CTPS2: variants seen among roughly 807,000 people sequenced by gnomAD.
CTPS2 encodes the protein CTP synthase II.
Under a neutral mutation model 46.8 loss-of-function variants are expected in CTPS2, and 19 were observed. The ratio of observed to expected loss-of-function variants is 0.41; its 90% CI spans 0.28 to 0.60. CTPS2 has a LOEUF of 0.60. Ranked by LOEUF, CTPS2 falls within the 20% of genes least tolerant of loss-of-function variation. CTPS2 has a pLI of 0.35. For synonymous variants in CTPS2, 151 were observed against 165.2 expected, an observed-to-expected ratio of 0.91 and a Z score of 0.66; for missense variants, 286 against 447.6, an observed-to-expected ratio of 0.64 and a Z score of 3.26.
intron 17 of CTPS2, among the ~76,000 whole-genome samples, chrX:16,598,752 C>A (rs2147166437): frequency 9.0e-6 from 1 of 110,725 alleles, no homozygotes; most frequent in African/African-American, 3.3e-5. Context: ...AGAGACACAA[C>A]CAAAAAAGAG....
intron 3 of CTPS2, 50 bp downstream of exon 3, chrX:16,698,873 A>G: frequency 9.0e-7 from 1 of 1,115,062 alleles, no homozygotes; most frequent in Non-Finnish European, 1.2e-6. Context: ...TTTGAGCAGT[A>G]CAAAGATATT....
rs755771869 is a variant in CTPS2 at position 16,688,437 on chromosome X, CT to C, written c.872+1012del. 7.3e-3 allele frequency among the ~76,000 whole-genome samples: 706 copies of C among 96,670 alleles called. 2 individuals carry two copies. Among genetic ancestry groups the C allele is most frequent in the Non-Finnish European group, 9.9e-3 (476 of 48,307 alleles). 83.9% of individuals were successfully genotyped at this position (96,670 alleles called of 115,157 possible). On this transcript the variant is annotated intron_variant, in intron 8 of 18. Coordinates refer to ENST00000359276, the MANE Select transcript of CTPS2 (RefSeq NM_175859.3). ...AACAAGTGACAGGGACTTAATTTCC[CT>C]TTTTTTTTTTTTTTAAGATACAGGG...
Position 16,691,673 on chromosome X carries a change from C to T in CTPS2, c.640-53G>A, listed in dbSNP as rs750658333. ...ACAGGATTCACTTTCAGCAGGATGC[C>T]ACATTCATTTCTTTTTACAAGAAAC... On this transcript the variant is annotated intron_variant, in intron 6 of 18. Transcript: ENST00000359276. The T allele has an allele frequency of 8.0e-6, 8 of 1,005,772 alleles. No individual in the cohort carries two copies. In the South Asian group the frequency reaches 1.5e-4, roughly 19 times the overall value. 82.9% of individuals were successfully genotyped at this position (1,005,772 alleles called of 1,213,427 possible).
intron 6 of CTPS2, 34 bp from the exon 7 acceptor site, chrX:16,691,654 T>C: frequency 1.8e-6 from 2 of 1,121,239 alleles, no homozygotes; most frequent in Non-Finnish European, 2.5e-6. Flanking sequence ...GCAAACAGGA[T>C]TCACTTTCAG....
At chrX:16,654,800 C>G (rs987713321) in intron 13 of CTPS2, 2 of 135,271 alleles carry the variant, frequency 1.5e-5, no homozygotes, top group Non-Finnish European at 2.8e-5. Context: ...GCAGGAAGAA[C>G]ACTTGAGCCC....
At chrX:16,638,912 G>A (rs755776625) in intron 14 of CTPS2, 38 of 516,572 alleles carry the variant, frequency 7.4e-5, no homozygotes, top group Non-Finnish European at 1.2e-4. Flanking sequence ...GATCAAATGC[G>A]GAGGGGCATT....
At chrX:16,656,215 A>G (rs1932814250) in intron 13 of CTPS2, among the ~76,000 whole-genome samples, 2 of 110,768 alleles carry the variant, frequency 1.8e-5, no homozygotes, top group Non-Finnish European at 3.8e-5. Flanking sequence ...TGCTGTGCAC[A>G]TATCTGTGCT....
intron 14 of CTPS2, among the ~76,000 whole-genome samples, chrX:16,628,307 C>T (rs1194922368): frequency 9.0e-6 from 1 of 111,509 alleles, no homozygotes; most frequent in African/African-American, 3.3e-5. Context: ...TTGAAAAATG[C>T]GTCTTTGCTT....
intron 13 of CTPS2, among the ~76,000 whole-genome samples, chrX:16,664,159 C>T (rs1181266775): frequency 4.5e-5 from 5 of 112,099 alleles, no homozygotes; most frequent in Admixed American, 2.9e-4. Flanking sequence ...TTTTAACGCA[C>T]GTACACACAC....
At chrX:16,631,013 A>C (rs1047098756) in intron 14 of CTPS2, among the ~76,000 whole-genome samples, 1 of 112,225 alleles carries the variant, frequency 8.9e-6, no homozygotes, top group African/African-American at 3.2e-5. Context: ...CTTGAGGCCA[A>C]GAGTTTCAGA....
rs1189020199 is a variant in CTPS2 at position 16,624,120 on chromosome X, A to G, written c.1394-3788T>C. Reference sequence around the variant, plus strand: ...CCCTCAATTCTTAAGACCAGCACCTAGCAGATAAGCAGGTACTCAATAATG... The same window carrying G: ...CCCTCAATTCTTAAGACCAGCACCTGGCAGATAAGCAGGTACTCAATAATG... On this transcript the variant is annotated intron_variant, in intron 14 of 18. Transcript: ENST00000359276. Among the ~76,000 whole-genome samples the G allele has an allele frequency of 2.7e-5, 3 of 110,834 alleles. No homozygotes were observed. The Admixed American group carries it at 2.9e-4, about 11-fold the overall frequency.
At chrX:16,609,184 T>C (rs1930138906) in intron 17 of CTPS2, among the ~76,000 whole-genome samples, 1 of 110,944 alleles carries the variant, frequency 9.0e-6, no homozygotes, top group Non-Finnish European at 1.9e-5. Flanking sequence ...AGGAAAATAA[T>C]ACAATACCAA....
chrX:16,660,505 G>A (rs1157095077), intron 13 of CTPS2, among the ~76,000 whole-genome samples: 1 of 110,974 alleles, frequency 9.0e-6, no homozygotes, highest in East Asian at 2.8e-4. Flanking sequence ...AGGTTCAAGC[G>A]ATTCCCCTGC....
chrX:16,644,930 G>A (rs746565397), intron 13 of CTPS2, among the ~76,000 whole-genome samples: 21 of 112,605 alleles, frequency 1.9e-4, no homozygotes, highest in African/African-American at 6.8e-4. Flanking sequence ...TGAGGAGTTC[G>A]ACACAGTGTC....
chrX:16,598,899 T>G (rs1256440629), intron 17 of CTPS2, among the ~76,000 whole-genome samples: 1 of 111,868 alleles, frequency 8.9e-6, no homozygotes, highest in Admixed American at 9.5e-5. Flanking sequence ...CAAGGCTGAT[T>G]CAATATACGC....
chrX:16,613,208 GCTGGAAATGCAGGTT>G (rs1250804985), intron 16 of CTPS2, among the ~76,000 whole-genome samples: 2 of 112,284 alleles, frequency 1.8e-5, no homozygotes, highest in Admixed American at 9.4e-5. Context: ...AAGCATATAG[GCTGGAAATGCAGGTT>G]CTGGAACATC....
At position 16,685,854 on chromosome X, in the gene CTPS2, G is replaced by A. The variant is rs775886025; in HGVS notation, c.873-2628C>T. Among the ~76,000 whole-genome samples, 400 of 87,526 alleles carry A rather than the reference G, an allele frequency of 4.6e-3. 2 individuals are homozygous for A. The highest frequency in any genetic ancestry group is 0.028 in the Middle Eastern group (4 of 143). 76.0% of individuals were successfully genotyped at this position (87,526 alleles called of 115,157 possible). A position where few individuals can be genotyped will look rare whatever the true frequency, so the allele number is the denominator to read the frequency against. ...TGCACTCCAGCCTGGGCGACACAGC[G>A]AGACTCTGTCTCCAAAAAAAAAAAA... On this transcript the variant is annotated intron_variant, in intron 8 of 18. Transcript: ENST00000359276.
chrX:16,639,400 T>C (rs1418707712), intron 13 of CTPS2, among the ~76,000 whole-genome samples, 157 bp from the exon 14 acceptor site: 1 of 111,654 alleles, frequency 9.0e-6, no homozygotes, highest in African/African-American at 3.3e-5. Context: ...AATACAGGCA[T>C]GACATAGACA....
chrX:16,666,888 G>A (rs1345934995), intron 13 of CTPS2, among the ~76,000 whole-genome samples: 1 of 110,760 alleles, frequency 9.0e-6, no homozygotes, highest in Non-Finnish European at 1.9e-5. Context: ...GACTGGTGAT[G>A]AGTCTGGAGA....
Sources: allele counts gnomAD v4.1 joint callset (sites outside exome capture counted in the v4.1 genomes callset), GRCh38; gene constraint gnomAD v4.1.1; transcripts MANE v1.5; gene names NCBI Gene and HGNC (gene_info 2026-07-23, HGNC 2026-07-21).